The following PPP4R4 variants were observed in gnomAD, a reference collection of about 807,000 sequenced individuals.
PPP4R4 encodes the protein serine/threonine-protein phosphatase 4 regulatory subunit 4.
PPP4R4 carries 70 observed loss-of-function variants against 121.8 expected under a neutral mutation model. The observed-to-expected ratio is 0.57, with a 90% CI of 0.47 to 0.70. The LOEUF is 0.70. Among genes scored for constraint, PPP4R4 ranks in the 30% least tolerant of loss-of-function variants. The pLI is 0.00. For missense variants in PPP4R4, 875 were observed against 1,033.6 expected (o/e 0.85, Z 2.10); for synonymous variants, 348 against 355.7 (o/e 0.98, Z 0.24).
chr14:94,263,999 A>C (rs10149273), intron 19 of PPP4R4, among the ~76,000 whole-genome samples: 1 of 151,952 alleles, frequency 6.6e-6, no homozygotes. Flanking sequence ...GTTGATTTTC[A>C]TGCCTATTCT....
intron 23 of PPP4R4, among the ~76,000 whole-genome samples, chr14:94,272,090 A>G (rs972148932): frequency 4.6e-5 from 7 of 152,204 alleles, no homozygotes; most frequent in African/African-American, 1.4e-4. Context: ...GTTCTTCCCA[A>G]CTTGATCTAT....
intron 2 of PPP4R4, among the ~76,000 whole-genome samples, chr14:94,197,055 T>C (rs1457332773): frequency 1.3e-5 from 2 of 152,182 alleles, no homozygotes; most frequent in African/African-American, 2.4e-5. Flanking sequence ...TTTTTTGTTG[T>C]TTTGTATAGT....
At chr14:94,211,968 A>G (rs1179392488) in intron 3 of PPP4R4, among the ~76,000 whole-genome samples, 11 of 152,210 alleles carry the variant, frequency 7.2e-5, no homozygotes, top group Admixed American at 2.6e-4. Context: ...ACTTGATAAT[A>G]CTAGTCTTTT....
chr14:94,221,495 CAATAAT>C (rs1346489085), intron 3 of PPP4R4, among the ~76,000 whole-genome samples: 2 of 151,932 alleles, frequency 1.3e-5, no homozygotes, highest in African/African-American at 4.8e-5. Context: ...TCTCAAAACA[CAATAAT>C]AAAACAACCC....
At chr14:94,185,209 A>G (rs966056950) in intron 2 of PPP4R4, among the ~76,000 whole-genome samples, 2 of 152,270 alleles carry the variant, frequency 1.3e-5, no homozygotes, top group African/African-American at 4.8e-5. Context: ...CTAATGTAAA[A>G]TGGGAATAAA....
intron 1 of PPP4R4, among the ~76,000 whole-genome samples, chr14:94,175,096 G>A (rs1595438121): frequency 6.6e-6 from 1 of 151,014 alleles, no homozygotes; most frequent in African/African-American, 2.4e-5. Context: ...CCCACCCATC[G>A]GTCCACACAT....
chr14:94,240,830 T>A (rs761234515), intron 9 of PPP4R4, 35 bp downstream of exon 9: 30 of 1,462,376 alleles, frequency 2.1e-5, no homozygotes, highest in African/African-American at 5.9e-5. Context: ...AGACTGTAGA[T>A]AATTTTTCCC....
chr14:94,260,377 G>C (rs150481185), intron 19 of PPP4R4, among the ~76,000 whole-genome samples: 2 of 152,174 alleles, frequency 1.3e-5, no homozygotes, highest in South Asian at 2.1e-4. Flanking sequence ...AGTGAACCGT[G>C]GTTGTGCCAC....
At chr14:94,177,822 A>G (rs1888759299) in intron 2 of PPP4R4, among the ~76,000 whole-genome samples, 1 of 152,156 alleles carries the variant, frequency 6.6e-6, no homozygotes, top group African/African-American at 2.4e-5. Context: ...TCAGTTCTGG[A>G]ATTTACAAAG....
At chr14:94,227,751 T>A in intron 3 of PPP4R4, 1 of 1,000,736 alleles carries the variant, frequency 1.0e-6, no homozygotes, top group Non-Finnish European at 1.2e-6. Context: ...AACAGACTCA[T>A]GTGAACTGGA....
Position 94,259,288 on chromosome 14 carries a change from T to C in PPP4R4, c.2053-7T>C. On this transcript the variant is annotated splice_polypyrimidine_tract_variant and splice_region_variant and intron_variant, in intron 18 of 24. Transcript: ENST00000304338. ...TGTTTCACAATTTCATTTTAAACTTTAAACAGTTTCAGAAAAAGTTTTATG... is the reference window on the plus strand; with the variant it reads ...TGTTTCACAATTTCATTTTAAACTTCAAACAGTTTCAGAAAAAGTTTTATG... 6.2e-6 allele frequency: 10 copies of C among 1,600,012 alleles called. No homozygotes were observed. Among genetic ancestry groups the C allele is most frequent in the Non-Finnish European group, 8.5e-6 (10 of 1,175,014 alleles).
chr14:94,271,062 CCAGATGGGTT>C (rs1417520170), intron 23 of PPP4R4, among the ~76,000 whole-genome samples: 1 of 152,016 alleles, frequency 6.6e-6, no homozygotes, highest in Non-Finnish European at 1.5e-5. Flanking sequence ...AGCATCTAGC[CCAGATGGGTT>C]CACTGATAAA....
At chr14:94,182,857 G>C (rs1438720528) in intron 2 of PPP4R4, among the ~76,000 whole-genome samples, 1 of 152,138 alleles carries the variant, frequency 6.6e-6, no homozygotes, top group Non-Finnish European at 1.5e-5. Flanking sequence ...CAGTTTTCCA[G>C]TGTGCTTTGA....
chr14:94,210,661 T>C (rs1409993774), intron 3 of PPP4R4, among the ~76,000 whole-genome samples: 1 of 152,116 alleles, frequency 6.6e-6, no homozygotes, highest in Admixed American at 6.5e-5. Context: ...TTAGACTGTA[T>C]ATTAGGAAGG....
At chr14:94,219,482 TAC>T (rs1891267752) in intron 3 of PPP4R4, among the ~76,000 whole-genome samples, 1 of 152,180 alleles carries the variant, frequency 6.6e-6, no homozygotes, top group South Asian at 2.1e-4. Context: ...ATAACAATTC[TAC>T]ACAAATTCTT....
Position 94,264,937 on chromosome 14 carries a change from T to C in PPP4R4, c.2187T>C (p.Phe729=), listed in dbSNP as rs760256679. The C allele has an allele frequency of 1.9e-6, 3 of 1,595,832 alleles. No homozygotes were observed. The highest frequency in any genetic ancestry group is 2.6e-6 in the Non-Finnish European group (3 of 1,173,328). The change falls in exon 20 of 25, where the codon TTT becomes TTC. Residue 729 remains phenylalanine (F), a synonymous_variant. Transcript: ENST00000304338. Reference sequence around the variant, plus strand: ...GAAGGCCCATGAGTGATAAAATGTTTGAAAAGAAACGTAAGTAGTTTTTCT... The same window carrying C: ...GAAGGCCCATGAGTGATAAAATGTTCGAAAAGAAACGTAAGTAGTTTTTCT... ...NDGRPMSDKM[F]EKKRRDTKTP... is the part of the protein sequence containing the mutation.
intron 19 of PPP4R4, among the ~76,000 whole-genome samples, chr14:94,264,016 A>C (rs1352905467): frequency 6.6e-6 from 1 of 152,212 alleles, no homozygotes; most frequent in Non-Finnish European, 1.5e-5. Context: ...TTCTGTTAGC[A>C]TAAGGGCCTC....
At chr14:94,250,086 A>C in intron 14 of PPP4R4, 86 bp from the exon 15 acceptor site, 1 of 858,028 alleles carries the variant, frequency 1.2e-6, no homozygotes. Context: ...TAGTTTTGTC[A>C]ATAACTTAAA....
chr14:94,227,683 A>G, intron 3 of PPP4R4: 3 of 1,058,342 alleles, frequency 2.8e-6, no homozygotes, highest in Non-Finnish European at 3.4e-6. Flanking sequence ...TTGCATACGT[A>G]CAAAACCCAG....
Sources: gnomAD v4.1 joint callset for allele counts (sites outside exome capture counted in the v4.1 genomes callset) on GRCh38, gnomAD v4.1.1 for gene constraint, MANE v1.5 for transcripts, NCBI Gene and HGNC (gene_info 2026-07-23, HGNC 2026-07-21) for gene names.